The following ZW10 variants were observed in gnomAD, a reference collection of about 807,000 sequenced individuals.
The protein encoded by ZW10 is zw10 kinetochore protein, also known as centromere/kinetochore protein zw10 homolog.
Under a neutral mutation model 87.8 loss-of-function variants are expected in ZW10, and 53 were observed. The ratio of observed to expected loss-of-function variants is 0.60; its 90% CI spans 0.48 to 0.76. The LOEUF is 0.76. ZW10 is among the 30% of genes least tolerant of loss of function. The probability of loss-of-function intolerance (pLI) is 0.00; values close to 1 mark genes in which losing one functional copy is unlikely to be tolerated. For missense variants in ZW10, 837 were observed against 923.0 expected, an observed-to-expected ratio of 0.91 and a Z score of 1.21; for synonymous variants, 312 against 329.2, an observed-to-expected ratio of 0.95 and a Z score of 0.57.
At chr11:113,736,521 C>T in intron 15 of ZW10, 99 bp downstream of exon 15, 1 of 1,243,346 alleles carries the variant, frequency 8.0e-7, no homozygotes, top group Non-Finnish European at 1.2e-6. Context: ...TCTTGCATGA[C>T]TAACATCAGG....
intron 7 of ZW10, among the ~76,000 whole-genome samples, chr11:113,749,185 AACAC>A (rs144414125): frequency 1.1e-4 from 17 of 149,392 alleles, no homozygotes; most frequent in African/African-American, 3.9e-4. Context: ...TTTAAACACA[AACAC>A]ACACACACAC....
chr11:113,750,091 T>G (rs971714895), intron 7 of ZW10, among the ~76,000 whole-genome samples: 3 of 152,204 alleles, frequency 2.0e-5, no homozygotes, highest in Non-Finnish European at 4.4e-5. Context: ...TTTTCTAGAT[T>G]AAGAAAATAT....
At position 113,760,691 on chromosome 11, in the gene ZW10, TAA is replaced by T. The variant is rs56870346; in HGVS notation, c.343-103_343-102del. 4,243 of 732,992 alleles carry T rather than the reference TAA, an allele frequency of 5.8e-3. 1 individual carries two copies. The highest frequency in any genetic ancestry group is 0.013 in the East Asian group (390 of 29,716). 45.4% of individuals were successfully genotyped at this position (732,992 alleles called of 1,614,324 possible). On this transcript the variant is annotated intron_variant, in intron 3 of 15. Transcript: ENST00000200135. ...CCACTTTCCCTCCCCCTCCCCCCTC[TAA>T]AAAAAAAAAAAGAAAGAAAAAAAAA...
At position 113,733,791 on chromosome 11, in the gene ZW10, AG is replaced by A; in HGVS notation, c.2242del (p.Leu748TrpfsTer10). 6.2e-7 allele frequency: 1 copy of A among 1,609,890 alleles called. No homozygotes were observed. Among genetic ancestry groups the A allele is most frequent in the Admixed American group, 1.7e-5 (1 of 59,580 alleles). ...GDRWADGKGP[L>X]AAAFSSSEVK... is the part of the protein sequence containing the mutation. ...TTCACTGGAAGAGAACGCAGCTGCC[AG>A]GGGTCCTTTTCCATCTGCCCACCTG... On this transcript the variant is annotated frameshift_variant, in exon 16 of 16. Transcript: ENST00000200135. LOFTEE classifies it high-confidence loss of function.
intron 12 of ZW10, among the ~76,000 whole-genome samples, chr11:113,738,999 T>A (rs1211139363): frequency 6.6e-6 from 1 of 152,166 alleles, no homozygotes; most frequent in Non-Finnish European, 1.5e-5. Context: ...CATGAAATCA[T>A]GTTACAAAAA....
intron 1 of ZW10, 77 bp from the exon 2 acceptor site, chr11:113,769,044 A>T: frequency 6.8e-7 from 1 of 1,479,340 alleles, no homozygotes; most frequent in Non-Finnish European, 9.3e-7. Flanking sequence ...TTCATCTTCC[A>T]CAAGGCATTT....
chr11:113,773,168 C>A (rs563775264), intron 1 of ZW10, among the ~76,000 whole-genome samples: 2 of 152,040 alleles, frequency 1.3e-5, no homozygotes, highest in Admixed American at 1.3e-4. Flanking sequence ...CTATTCCTCT[C>A]CTGCGCTCGC....
At chr11:113,747,473 A>G (rs1210078096) in intron 9 of ZW10, 58 bp downstream of exon 9, 21 of 1,461,146 alleles carry the variant, frequency 1.4e-5, no homozygotes, top group Admixed American at 1.9e-5. Context: ...ATGCATCTCA[A>G]AATGAGTTGC....
rs780905631 is a variant in ZW10 at position 113,738,414 on chromosome 11, T to A, written c.1754-20A>T. On this transcript the variant is annotated intron_variant, in intron 12 of 15. Transcript: ENST00000200135. Reference sequence around the variant, plus strand: ...CTGTCCCTATGATGGAAAAACAGAATAAAAAATTTTAAAAGCTGCTCAATT... The same window carrying A: ...CTGTCCCTATGATGGAAAAACAGAAAAAAAAATTTTAAAAGCTGCTCAATT... 6.2e-7 allele frequency: 1 copy of A among 1,601,852 alleles called. No individual in the cohort carries two copies. Among genetic ancestry groups the A allele is most frequent in the African/African-American group, 1.4e-5 (1 of 73,886 alleles).
chr11:113,766,698 A>AAAACT (rs1226578405), intron 2 of ZW10, among the ~76,000 whole-genome samples: 1 of 119,446 alleles, frequency 8.4e-6, no homozygotes, highest in Non-Finnish European at 1.7e-5. Flanking sequence ...AAAAAAAAAA[A>AAAACT]TTAATTTTTA....
At chr11:113,751,211 T>C in intron 7 of ZW10, 1 of 285,796 alleles carries the variant, frequency 3.5e-6, no homozygotes, top group South Asian at 4.0e-5. Context: ...CCATGCTGGC[T>C]TGAGCAGACA....
intron 7 of ZW10, among the ~76,000 whole-genome samples, chr11:113,757,010 A>G (rs1487519879): frequency 6.6e-6 from 1 of 152,126 alleles, no homozygotes; most frequent in Non-Finnish European, 1.5e-5. Context: ...AAACAGTAGG[A>G]GCATTTCTTT....
intron 15 of ZW10, 90 bp downstream of exon 15, chr11:113,736,530 G>C: frequency 7.4e-7 from 1 of 1,346,432 alleles, no homozygotes; most frequent in African/African-American, 1.4e-5. Context: ...ACTAACATCA[G>C]GAAACAGGGA....
chr11:113,746,707 C>A (rs562296660), intron 9 of ZW10, among the ~76,000 whole-genome samples: 4 of 151,940 alleles, frequency 2.6e-5, no homozygotes, highest in Non-Finnish European at 5.9e-5. Flanking sequence ...ATGTGATCTG[C>A]GGTAAGAATA....
At chr11:113,763,379 C>G (rs886316775) in intron 2 of ZW10, among the ~76,000 whole-genome samples, 3 of 152,160 alleles carry the variant, frequency 2.0e-5, no homozygotes, top group African/African-American at 4.8e-5. Flanking sequence ...TGGGTATATA[C>G]CCAGTAATGG....
At chr11:113,751,932 C>A (rs1184231310) in intron 7 of ZW10, among the ~76,000 whole-genome samples, 1 of 151,696 alleles carries the variant, frequency 6.6e-6, no homozygotes, top group Non-Finnish European at 1.5e-5. Flanking sequence ...GTGATAGATA[C>A]CTGCATTCAG....
chr11:113,747,128 C>G (rs777495497), intron 9 of ZW10, among the ~76,000 whole-genome samples: 30 of 152,010 alleles, frequency 2.0e-4, no homozygotes, highest in Non-Finnish European at 1.3e-4. Context: ...TAAAACTAGT[C>G]TCTCTATTAG....
rs373381445 is a variant in ZW10 at position 113,743,881 on chromosome 11, G to A, written c.1432C>T (p.Arg478Cys). 3.7e-6 allele frequency: 6 copies of A among 1,613,956 alleles called. No homozygotes were observed. The highest frequency in any genetic ancestry group is 3.3e-5 in the South Asian group (3 of 91,072). Reference protein sequence around the residue: ...DQHSFSLPTCRISESVKKLME... With the variant: ...DQHSFSLPTCCISESVKKLME... ...AATTTCTTCACAGACTCACTGATAC[G>A]GCATGTGGGCAAGGAAAAGGAATGT... Residue 478 changes from arginine (R) to cysteine (C), a missense_variant, in exon 10 of 16, where the codon CGT (arginine) becomes TGT (cysteine). Physicochemically the swap from Arg to Cys is radical, Grantham distance 180. Transcript: ENST00000200135.
chr11:113,754,872 C>A (rs1209064614), intron 7 of ZW10, among the ~76,000 whole-genome samples: 1 of 152,122 alleles, frequency 6.6e-6, no homozygotes, highest in Non-Finnish European at 1.5e-5. Context: ...AATTCCTGGC[C>A]TCAAGCAATT....
Sources: gnomAD v4.1 joint callset for allele counts (sites outside exome capture counted in the v4.1 genomes callset) on GRCh38, gnomAD v4.1.1 for gene constraint, MANE v1.5 for transcripts, NCBI Gene and HGNC (gene_info 2026-07-23, HGNC 2026-07-21) for gene names.